Variants in VAT1L observed in about 807,000 individuals in gnomAD.
VAT1L encodes vesicle amine transport 1 like.
In VAT1L, 34 loss-of-function variants were observed where a neutral mutation model predicts 44.1. The ratio of observed to expected loss-of-function variants is 0.77; its 90% CI spans 0.59 to 1.03. The LOEUF (loss-of-function observed/expected upper bound fraction) is 1.03, where lower values mean the gene tolerates loss of function less well. Among genes scored for constraint, VAT1L ranks in the 50% least tolerant of loss-of-function variants. The pLI is 0.00. For synonymous variants in VAT1L, 253 were observed against 202.2 expected (o/e 1.25, Z -2.13); for missense variants, 615 against 538.8 (o/e 1.14, Z -1.40).
At chr16:77,876,530 C>T in intron 5 of VAT1L, 57 bp downstream of exon 5, 2 of 1,474,652 alleles carry the variant, frequency 1.4e-6, no homozygotes, top group Non-Finnish European at 1.9e-6. Context: ...TACATATGTG[C>T]CTGCAAAGGC....
chr16:77,856,080 CAG>C (rs981205709), intron 3 of VAT1L, among the ~76,000 whole-genome samples: 2 of 152,054 alleles, frequency 1.3e-5, no homozygotes, highest in African/African-American at 2.4e-5. Context: ...AATGAAGTAA[CAG>C]AGAGGCTGAG....
chr16:77,846,650 G>A (rs919983740), intron 3 of VAT1L, among the ~76,000 whole-genome samples: 2 of 152,096 alleles, frequency 1.3e-5, no homozygotes, highest in South Asian at 2.1e-4. Context: ...ATACAAAAAT[G>A]TTCACTGAAA....
At chr16:77,839,554 A>G (rs1304161361) in intron 3 of VAT1L, among the ~76,000 whole-genome samples, 7 of 146,600 alleles carry the variant, frequency 4.8e-5, no homozygotes, top group South Asian at 2.2e-4. Flanking sequence ...AAAAAAAAAA[A>G]AAAAAAAAAA....
intron 7 of VAT1L, among the ~76,000 whole-genome samples, chr16:77,902,987 A>AAAAG (rs2017400644): frequency 6.6e-6 from 1 of 151,480 alleles, no homozygotes; most frequent in Admixed American, 6.6e-5. Context: ...AAAAAAAAAA[A>AAAAG]AAAGAAAGAA....
At chr16:77,971,247 G>T (rs1465311659) in intron 7 of VAT1L, among the ~76,000 whole-genome samples, 1 of 152,142 alleles carries the variant, frequency 6.6e-6, no homozygotes, top group East Asian at 1.9e-4. Flanking sequence ...AGGATCCCAG[G>T]AGACACCTGT....
At chr16:77,839,858 TA>T (rs1212558220) in intron 3 of VAT1L, among the ~76,000 whole-genome samples, 5 of 152,214 alleles carry the variant, frequency 3.3e-5, no homozygotes, top group African/African-American at 1.2e-4. Flanking sequence ...CAAAGCACAT[TA>T]AATATGGATT....
intron 4 of VAT1L, among the ~76,000 whole-genome samples, chr16:77,863,417 G>A (rs1392493628): frequency 3.9e-5 from 6 of 152,314 alleles, no homozygotes; most frequent in Middle Eastern, 3.4e-3. Context: ...CGTTGGCTAC[G>A]CCTTACTGAA....
chr16:77,905,943 TA>T (rs2017432470), intron 7 of VAT1L, among the ~76,000 whole-genome samples: 1 of 152,244 alleles, frequency 6.6e-6, no homozygotes, highest in African/African-American at 2.4e-5. Flanking sequence ...TTTCCTTGAC[TA>T]ATTTTTTTAG....
intron 1 of VAT1L, among the ~76,000 whole-genome samples, chr16:77,813,740 G>A (rs974145284): frequency 2.6e-5 from 4 of 152,126 alleles, no homozygotes; most frequent in African/African-American, 9.7e-5. Flanking sequence ...CTCTTGATGT[G>A]TGTTTCCCAA....
chr16:77,892,841 G>T (rs2017282275), intron 7 of VAT1L: 11 of 884,078 alleles, frequency 1.2e-5, no homozygotes, highest in Non-Finnish European at 1.7e-5. Context: ...TATTGTGGAG[G>T]CCATGGAGTG....
At chr16:77,818,062 C>T (rs192215558) in intron 2 of VAT1L, among the ~76,000 whole-genome samples, 31 of 152,224 alleles carry the variant, frequency 2.0e-4, no homozygotes, top group African/African-American at 7.5e-4. Context: ...CACTAGAACC[C>T]GGATTCAAAT....
chr16:77,941,368 G>C (rs1003494573), intron 7 of VAT1L, among the ~76,000 whole-genome samples: 2 of 152,136 alleles, frequency 1.3e-5, no homozygotes, highest in African/African-American at 2.4e-5. Context: ...ATGATGTGCT[G>C]TCATATGTTG....
intron 7 of VAT1L, among the ~76,000 whole-genome samples, chr16:77,897,568 T>C (rs540818696): frequency 6.6e-6 from 1 of 152,240 alleles, no homozygotes; most frequent in South Asian, 2.1e-4. Context: ...CCTCCCAGGT[T>C]CAAGCAATGA....
At chr16:77,897,941 A>C (rs2017341411) in intron 7 of VAT1L, among the ~76,000 whole-genome samples, 1 of 152,222 alleles carries the variant, frequency 6.6e-6, no homozygotes, top group African/African-American at 2.4e-5. Context: ...CCACAAGCCA[A>C]GGGGCTTACA....
At chr16:77,833,611 C>T (rs138785996) in intron 3 of VAT1L, among the ~76,000 whole-genome samples, 239 of 152,182 alleles carry the variant, frequency 1.6e-3, no homozygotes, top group Non-Finnish European at 2.3e-3. Flanking sequence ...ATTAGCTGGG[C>T]ATGGTGGCGT....
At chr16:77,856,893 C>T (rs965114723) in intron 3 of VAT1L, among the ~76,000 whole-genome samples, 2 of 152,218 alleles carry the variant, frequency 1.3e-5, no homozygotes, top group Non-Finnish European at 2.9e-5. Context: ...TTCCAGCTTT[C>T]TCATTCACAT....
intron 3 of VAT1L, among the ~76,000 whole-genome samples, chr16:77,855,863 CA>C (rs1279003546): frequency 6.6e-6 from 1 of 152,034 alleles, no homozygotes; most frequent in Non-Finnish European, 1.5e-5. Context: ...ACTAAAAATA[CA>C]AAAATTAGCC....
intron 4 of VAT1L, among the ~76,000 whole-genome samples, chr16:77,869,899 G>A (rs1597075577): frequency 1.3e-5 from 2 of 152,166 alleles, no homozygotes; most frequent in African/African-American, 4.8e-5. Flanking sequence ...AGGAGTATAA[G>A]ATCAGAAAAG....
At chr16:77,881,253 C>T (rs567968298) in intron 6 of VAT1L, among the ~76,000 whole-genome samples, 1 of 152,282 alleles carries the variant, frequency 6.6e-6, no homozygotes, top group South Asian at 2.1e-4. Flanking sequence ...TCAATTGATC[C>T]ACTCATTTGA....
Sources: allele counts gnomAD v4.1 joint callset (sites outside exome capture counted in the v4.1 genomes callset), GRCh38; gene constraint gnomAD v4.1.1; transcripts MANE v1.5; gene names NCBI Gene and HGNC (gene_info 2026-07-23, HGNC 2026-07-21).